The following RBM27 variants were observed in gnomAD, a reference collection of about 807,000 sequenced individuals.
RBM27 encodes the protein RNA-binding protein 27.
Under a neutral mutation model 135.3 loss-of-function variants are expected in RBM27, and 22 were observed. That is an observed-to-expected ratio of 0.16 (90% CI 0.12 to 0.23). The LOEUF (loss-of-function observed/expected upper bound fraction) is 0.23, where lower values mean the gene tolerates loss of function less well. RBM27 is among the 10% of genes least tolerant of loss of function. The pLI is 1.00. For missense variants in RBM27, 1,009 were observed against 1,281.0 expected (o/e 0.79, Z 3.24); for synonymous variants, 481 against 442.4 (o/e 1.09, Z -1.10).
chr5:146,281,039 G>C (rs1456434659), intron 19 of RBM27, among the ~76,000 whole-genome samples: 1 of 151,676 alleles, frequency 6.6e-6, no homozygotes, highest in African/African-American at 2.4e-5. Flanking sequence ...TGTATTTTTA[G>C]TAGTAGAGAC....
At chr5:146,283,622 T>C (rs374895862) in intron 19 of RBM27, among the ~76,000 whole-genome samples, 7 of 152,116 alleles carry the variant, frequency 4.6e-5, no homozygotes, top group African/African-American at 1.7e-4. Flanking sequence ...GTCATAATGT[T>C]TGGTGTTAGG....
At chr5:146,273,984 T>A (rs1007391591) in intron 19 of RBM27, among the ~76,000 whole-genome samples, 3 of 152,208 alleles carry the variant, frequency 2.0e-5, no homozygotes. Context: ...TTGCTGCCTT[T>A]AAAAATGTAT....
At chr5:146,206,965 A>G (rs970955257) in intron 1 of RBM27, among the ~76,000 whole-genome samples, 5 of 152,124 alleles carry the variant, frequency 3.3e-5, no homozygotes, top group African/African-American at 9.7e-5. Context: ...GATACCACAT[A>G]TATTTTTATT....
intron 1 of RBM27, among the ~76,000 whole-genome samples, chr5:146,211,634 A>C (rs1286114491): frequency 6.6e-6 from 1 of 151,636 alleles, no homozygotes; most frequent in African/African-American, 2.4e-5. Flanking sequence ...GGCATGTGCC[A>C]CCACACCTGG....
Position 146,230,431 on chromosome 5 carries a change from T to C in RBM27, c.590-226T>C, listed in dbSNP as rs541702812. 2.6e-5 allele frequency among the ~76,000 whole-genome samples: 4 copies of C among 152,310 alleles called. No individual in the cohort carries two copies. The East Asian group carries it at 7.7e-4, about 29-fold the overall frequency. On this transcript the variant is annotated intron_variant, in intron 5 of 20. Transcript: ENST00000265271. Reference sequence around the variant, plus strand: ...CTTTTTCAGTTAAGTGTAACTGATGTTGATACTATAAAAGATGATTTTGCA... The same window carrying C: ...CTTTTTCAGTTAAGTGTAACTGATGCTGATACTATAAAAGATGATTTTGCA...
chr5:146,228,188 A>C (rs759921398), intron 3 of RBM27, among the ~76,000 whole-genome samples: 1 of 142,184 alleles, frequency 7.0e-6, no homozygotes, highest in Admixed American at 7.2e-5. Context: ...AATTGACTTT[A>C]TTTTTTCAGT....
chr5:146,205,777 T>C (rs1221240559), intron 1 of RBM27, among the ~76,000 whole-genome samples: 1 of 152,142 alleles, frequency 6.6e-6, no homozygotes, highest in Admixed American at 6.5e-5. Context: ...TCCCGACACT[T>C]TGGGGGGCCT....
chr5:146,240,141 C>G (rs983904859), intron 8 of RBM27, among the ~76,000 whole-genome samples: 6 of 152,070 alleles, frequency 3.9e-5, no homozygotes, highest in African/African-American at 1.4e-4. Flanking sequence ...CCTCAACATG[C>G]ATCTTCTCTG....
In RBM27 at chr5:146,284,645, T is replaced by G; in HGVS notation, c.3012T>G (p.Phe1004Leu). ...AGACCGCAAACCAAGGGCCAAAATT[T>G]AAAGACCGTCGGCTACAGATATCAT... ...HFSTANQGPK[F>L]KDRRLQISWH... The change falls in exon 20 of 21, where the codon TTT becomes TTG. Residue 1004 changes from phenylalanine (F) to leucine (L), a missense_variant. This residue lies in a region of RBM27 where 355 missense variants were observed against 427.3 expected (regional missense o/e 0.83). Coordinates refer to ENST00000265271, the MANE Select transcript of RBM27 (RefSeq NM_018989.2). 6.2e-7 allele frequency: 1 copy of G among 1,613,172 alleles called. No homozygotes were observed. The highest frequency in any genetic ancestry group is 1.1e-5 in the South Asian group (1 of 90,974).
chr5:146,272,367 CCAG>C (rs1226912468), intron 19 of RBM27, among the ~76,000 whole-genome samples: 1 of 152,158 alleles, frequency 6.6e-6, no homozygotes, highest in Non-Finnish European at 1.5e-5. Flanking sequence ...ACCAAGATAA[CCAG>C]GTTCCCTATT....
At chr5:146,241,980 A>G (rs1757425210) in intron 8 of RBM27, among the ~76,000 whole-genome samples, 1 of 152,018 alleles carries the variant, frequency 6.6e-6, no homozygotes, top group South Asian at 2.1e-4. Flanking sequence ...TAGTAGGCAC[A>G]GGTTCTTGCT....
At chr5:146,250,012 A>T (rs956291250) in intron 8 of RBM27, among the ~76,000 whole-genome samples, 1 of 152,164 alleles carries the variant, frequency 6.6e-6, no homozygotes, top group Non-Finnish European at 1.5e-5. Flanking sequence ...CTTATATACG[A>T]AGAAAAGGGT....
chr5:146,288,628 C>T lies in RBM27; in HGVS notation c.*2598C>T, dbSNP rs886231547. The T allele has an allele frequency of 6.6e-6, 1 of 152,076 alleles. No homozygotes were observed. Among genetic ancestry groups the T allele is most frequent in the East Asian group, 1.9e-4 (1 of 5,204 alleles). 9.4% of individuals were successfully genotyped at this position (152,076 alleles called of 1,614,324 possible). A position where few individuals can be genotyped will look rare whatever the true frequency, so the allele number is the denominator to read the frequency against. ...CTTCATTTACAGAAATAACATACAG[C>T]ATCTAAAGCAAGTTCTGTCCCTCTT... On this transcript the variant is annotated 3_prime_UTR_variant, in exon 21 of 21. Transcript: ENST00000265271.
chr5:146,252,932 C>CGGAT (rs1757957983), intron 9 of RBM27, among the ~76,000 whole-genome samples: 1 of 152,112 alleles, frequency 6.6e-6, no homozygotes, highest in Admixed American at 6.6e-5. Context: ...TACTCTTTGG[C>CGGAT]GGATAACTAT....
At chr5:146,237,477 G>C in intron 8 of RBM27, 45 bp downstream of exon 8, 1 of 1,592,766 alleles carries the variant, frequency 6.3e-7, no homozygotes, top group Non-Finnish European at 8.6e-7. Context: ...GTATAGAAAA[G>C]CCAAGTTGTC....
rs368569406 is a variant in RBM27 at position 146,255,102 on chromosome 5, C to T, written c.1594+10C>T. Reference sequence around the variant, plus strand: ...GATGTAAATCCAAGAGGTGAGAATACCTTGAACTTTTTCTGATGCTAAGTG... The same window carrying T: ...GATGTAAATCCAAGAGGTGAGAATATCTTGAACTTTTTCTGATGCTAAGTG... On this transcript the variant is annotated intron_variant, in intron 10 of 20. Transcript: ENST00000265271. 4.9e-5 allele frequency: 79 copies of T among 1,604,098 alleles called. No homozygotes were observed. The highest frequency in any genetic ancestry group is 6.6e-5 in the Non-Finnish European group (77 of 1,173,682).
At chr5:146,282,528 A>G (rs548835967) in intron 19 of RBM27, among the ~76,000 whole-genome samples, 2 of 152,216 alleles carry the variant, frequency 1.3e-5, no homozygotes, top group South Asian at 4.1e-4. Flanking sequence ...GAGCATGTAC[A>G]TTTTTTGTCA....
intron 8 of RBM27, among the ~76,000 whole-genome samples, chr5:146,244,030 A>G (rs1488100740): frequency 1.3e-5 from 2 of 152,214 alleles, no homozygotes; most frequent in African/African-American, 4.8e-5. Flanking sequence ...ATATTTTGCT[A>G]TTACAGCTAA....
intron 10 of RBM27, among the ~76,000 whole-genome samples, chr5:146,256,597 T>C (rs1042555100): frequency 1.3e-5 from 2 of 151,686 alleles, no homozygotes; most frequent in Admixed American, 6.6e-5. Context: ...GTGATCCAGA[T>C]CTCACCTCGG....
Sources: gnomAD v4.1 joint callset for allele counts (sites outside exome capture counted in the v4.1 genomes callset) on GRCh38, gnomAD v4.1.1 for gene constraint, gnomAD v4.1.1 regional missense constraint, MANE v1.5 for transcripts, NCBI Gene and HGNC (gene_info 2026-07-23, HGNC 2026-07-21) for gene names.